TMC5: variants seen among roughly 807,000 people sequenced by gnomAD.
TMC5 encodes transmembrane channel-like protein 5.
TMC5 carries 86 observed loss-of-function variants against 110.5 expected under a neutral mutation model. The ratio of observed to expected loss-of-function variants is 0.78; its 90% CI spans 0.65 to 0.93. The LOEUF (loss-of-function observed/expected upper bound fraction) is 0.93, where lower values mean the gene tolerates loss of function less well. TMC5 is among the 40% of genes least tolerant of loss of function. TMC5 has a pLI of 0.00. For synonymous variants in TMC5, 455 were observed against 439.5 expected (o/e 1.04, Z -0.44); for missense variants, 1,144 against 1,222.8 (o/e 0.94, Z 0.96).
chr16:19,421,781 C>T (rs1966987983), intron 1 of TMC5, among the ~76,000 whole-genome samples: 2 of 152,136 alleles, frequency 1.3e-5, no homozygotes, highest in Non-Finnish European at 2.9e-5. Context: ...TGGAACAAAT[C>T]AGAGTTGAAA....
At position 19,440,640 on chromosome 16, in the gene TMC5, C is replaced by A. The variant is rs199797778; in HGVS notation, c.602C>A (p.Ser201Tyr). ...TSFRINPYAD[S>Y]LGKPDYPGAD... is the part of the protein sequence containing the mutation. ...TTTAGAATCAATCCATACGCAGACT[C>A]TCTGGGAAAGCCTGATTATCCAGGC... is the stretch of plus-strand genomic sequence containing the variant. The change falls in exon 3 of 22, where the codon TCT becomes TAT. Residue 201 changes from serine to tyrosine, a missense_variant. Physicochemically the swap from Ser to Tyr is moderately radical, Grantham distance 144. Transcript: ENST00000542583. 3.7e-6 allele frequency: 6 copies of A among 1,614,212 alleles called. No homozygotes were observed. In the East Asian group the frequency reaches 1.1e-4, roughly 30 times the overall value.
chr16:19,495,581 G>A (rs1352775445), intron 20 of TMC5, among the ~76,000 whole-genome samples: 1 of 151,964 alleles, frequency 6.6e-6, no homozygotes, highest in Non-Finnish European at 1.5e-5. Flanking sequence ...ATTATTTTTT[G>A]TGCGTTTATA....
At chr16:19,429,816 C>T (rs1029921276) in intron 1 of TMC5, among the ~76,000 whole-genome samples, 12 of 152,132 alleles carry the variant, frequency 7.9e-5, no homozygotes, top group African/African-American at 2.9e-4. Context: ...CTGCCTCGGC[C>T]TCCCAAAGTA....
rs71143882 is a variant in TMC5, at chr16:19,438,435, G to GAGAAAGAA, written c.-79-1507_-79-1500dup. Reference sequence around the variant, plus strand: ...AAGAAAGAAAAGAAAAAGAAAGAAAGAGAAAGAAAGAAAGAAAGAAAGAAA... The same window carrying GAGAAAGAA: ...AAGAAAGAAAAGAAAAAGAAAGAAAGAGAAAGAAAGAAAGAAAGAAAGAAAGAAAGAAA... On this transcript the variant is annotated intron_variant, in intron 2 of 21. Transcript: ENST00000542583. Among the ~76,000 whole-genome samples, 211 of 103,938 alleles carry GAGAAAGAA rather than the reference G, an allele frequency of 2.0e-3. 7 individuals are homozygous for GAGAAAGAA. Among genetic ancestry groups the GAGAAAGAA allele is most frequent in the Middle Eastern group, 9.9e-3 (2 of 202 alleles). The allele number at this position is 103,938 out of a possible 152,430, so 68.2% of individuals were successfully genotyped here. A position where few individuals can be genotyped will look rare whatever the true frequency, so the allele number is the denominator to read the frequency against.
In TMC5 at chr16:19,498,051, G is replaced by C. The variant is rs748616739; in HGVS notation, c.*85G>C. On this transcript the variant is annotated 3_prime_UTR_variant, in exon 22 of 22. Coordinates refer to ENST00000542583, the MANE Select transcript of TMC5 (RefSeq NM_001261841.2). ...TTCTTCCATGCCACCTGTGCCTTTA[G>C]GAACTGCCCAGAAGAAAATCCAAGG... The C allele has an allele frequency of 2.2e-6, 3 of 1,342,850 alleles. No individual in the cohort carries two copies. The East Asian group carries it at 6.9e-5, about 31-fold the overall frequency. The allele number at this position is 1,342,850 out of a possible 1,614,324, so 83.2% of individuals were successfully genotyped here.
rs539025830 is a variant in TMC5, at chr16:19,482,206, T to C, written c.2363+741T>C. ...CCAAGTAGCTGGGACTATAGGCATGTGCCACCATGCCCAGCCAATTTTTGT... is the reference window on the plus strand; with the variant it reads ...CCAAGTAGCTGGGACTATAGGCATGCGCCACCATGCCCAGCCAATTTTTGT... On this transcript the variant is annotated intron_variant, in intron 15 of 21. Coordinates refer to ENST00000542583, the MANE Select transcript of TMC5 (RefSeq NM_001261841.2). Among the ~76,000 whole-genome samples, 325 of 152,284 alleles carry C rather than the reference T, an allele frequency of 2.1e-3. 2 individuals are homozygous for C. The highest frequency in any genetic ancestry group is 7.5e-3 in the African/African-American group (312 of 41,574).
intron 8 of TMC5, among the ~76,000 whole-genome samples, chr16:19,465,151 G>A (rs1276947777): frequency 8.4e-6 from 1 of 119,218 alleles, no homozygotes; most frequent in East Asian, 2.8e-4. Context: ...ACCCCAAAAT[G>A]TCTTTCATAA....
intron 21 of TMC5, 148 bp from the exon 22 acceptor site, chr16:19,497,772 G>A (rs1969093601): frequency 4.5e-6 from 3 of 668,492 alleles, no homozygotes; most frequent in Non-Finnish European, 7.8e-6. Context: ...CCAGTGATGG[G>A]AGTTCAAGGG....
Position 19,440,412 on chromosome 16 carries a change from A to C in TMC5, c.374A>C (p.Gln125Pro). 6.2e-7 allele frequency: 1 copy of C among 1,614,108 alleles called. No individual in the cohort carries two copies. The highest frequency in any genetic ancestry group is 8.5e-7 in the Non-Finnish European group (1 of 1,180,026). The change falls in exon 3 of 22, where the codon CAA becomes CCA. Residue 125 changes from glutamine to proline, a missense_variant. By Grantham distance (76) the Gln-to-Pro change is moderately conservative. Coordinates refer to ENST00000542583, the MANE Select transcript of TMC5 (RefSeq NM_001261841.2). ...CCCTACCACCGAGCATCATCCAGACAACCAGACTACCCTGGATCTCAACGA... is the reference window on the plus strand; with the variant it reads ...CCCTACCACCGAGCATCATCCAGACCACCAGACTACCCTGGATCTCAACGA... ...SHPYHRASSR[Q>P]PDYPGSQRNP...
intron 2 of TMC5, among the ~76,000 whole-genome samples, chr16:19,438,253 C>T (rs1390664680): frequency 6.6e-6 from 1 of 150,580 alleles, no homozygotes; most frequent in African/African-American, 2.4e-5. Flanking sequence ...AAATTAGGAC[C>T]ACAAGATGCA....
At chr16:19,445,755 G>A (rs573517396) in intron 4 of TMC5, among the ~76,000 whole-genome samples, 5 of 152,198 alleles carry the variant, frequency 3.3e-5, no homozygotes, top group South Asian at 4.1e-4. Flanking sequence ...AGTAGATGGG[G>A]CAGGTCTGGA....
chr16:19,456,212 A>T (rs1394725751), intron 5 of TMC5, among the ~76,000 whole-genome samples: 12 of 143,308 alleles, frequency 8.4e-5, no homozygotes, highest in South Asian at 2.1e-4. Context: ...ATCTCAAAAA[A>T]AAAAATATAT....
At chr16:19,495,013 T>TGCAAATCTATTTCCCTAGGCATC (rs1597223407) in intron 20 of TMC5, among the ~76,000 whole-genome samples, 3 of 45,080 alleles carry the variant, frequency 6.7e-5, no homozygotes, top group East Asian at 3.9e-4. Flanking sequence ...TGTCTATTCT[T>TGCAAATCTATTTCCCTAGGCATC]TTTTTTTTTT....
chr16:19,468,737 C>T (rs776795451), intron 9 of TMC5, among the ~76,000 whole-genome samples: 3 of 152,180 alleles, frequency 2.0e-5, no homozygotes, highest in African/African-American at 7.2e-5. Flanking sequence ...AGAGGACACC[C>T]TCTAGAAGCT....
chr16:19,479,560 C>T, intron 14 of TMC5, 32 bp downstream of exon 14: 2 of 1,471,918 alleles, frequency 1.4e-6, no homozygotes, highest in Non-Finnish European at 1.9e-6. Flanking sequence ...GTAATTAGGG[C>T]CTGATGCTGT....
At chr16:19,478,985 T>G (rs1018714900) in intron 13 of TMC5, among the ~76,000 whole-genome samples, 1 of 152,230 alleles carries the variant, frequency 6.6e-6, no homozygotes, top group Non-Finnish European at 1.5e-5. Flanking sequence ...ACTAGCCTAC[T>G]AAACCTCTAG....
intron 15 of TMC5, among the ~76,000 whole-genome samples, chr16:19,485,364 G>A (rs1254546643): frequency 6.6e-6 from 1 of 152,198 alleles, no homozygotes; most frequent in East Asian, 1.9e-4. Context: ...AAAGGCCTTT[G>A]TAAATGGCCA....
intron 5 of TMC5, among the ~76,000 whole-genome samples, chr16:19,451,789 A>G (rs1967755186): frequency 6.8e-6 from 1 of 147,878 alleles, no homozygotes; most frequent in African/African-American, 2.6e-5. Flanking sequence ...AGGCCGCCGG[A>G]ACTTTTTCTT....
At chr16:19,412,981 C>A (rs1966860038), upstream of TMC5, among the ~76,000 whole-genome samples, 1 of 152,100 alleles carries the variant, frequency 6.6e-6, no homozygotes, top group African/African-American at 2.4e-5. Flanking sequence ...GTAGCTGGGA[C>A]TACAGGTGCT....
Sources: allele counts gnomAD v4.1 joint callset (sites outside exome capture counted in the v4.1 genomes callset), GRCh38; gene constraint gnomAD v4.1.1; transcripts MANE v1.5; gene names NCBI Gene and HGNC (gene_info 2026-07-23, HGNC 2026-07-21).